The following SIAH3 variants were observed in gnomAD, a reference collection of about 807,000 sequenced individuals.
SIAH3 encodes seven in absentia homolog 3.
Under a neutral mutation model 12.6 loss-of-function variants are expected in SIAH3, and 9 were observed. That is an observed-to-expected ratio of 0.72 (90% CI 0.43 to 1.25). SIAH3 has a LOEUF of 1.25. Among genes scored for constraint, SIAH3 ranks in the 50% most tolerant of loss-of-function variants. SIAH3 has a pLI of 0.00. For missense variants in SIAH3, 390 were observed against 365.4 expected (o/e 1.07, Z -0.55); for synonymous variants, 154 against 151.1 (o/e 1.02, Z -0.14).
At chr13:45,828,269 C>T (rs1950685897) in intron 1 of SIAH3, among the ~76,000 whole-genome samples, 1 of 152,162 alleles carries the variant, frequency 6.6e-6, no homozygotes, top group African/African-American at 2.4e-5. Context: ...TGGTTCATAA[C>T]CTTCCGTGGC....
intron 1 of SIAH3, 117 bp downstream of exon 1, chr13:45,851,378 C>A: frequency 7.2e-7 from 1 of 1,387,220 alleles, no homozygotes; most frequent in Non-Finnish European, 1.0e-6. Flanking sequence ...GACACCGTCC[C>A]AGCCCCCGAG....
rs1950512359 is a variant in SIAH3 at position 45,783,349 on chromosome 13, G to A, written c.*34C>T. The A allele has an allele frequency of 6.3e-7, 1 of 1,578,918 alleles. No homozygotes were observed. Among genetic ancestry groups the A allele is most frequent in the Non-Finnish European group, 8.6e-7 (1 of 1,156,624 alleles). On this transcript the variant is annotated 3_prime_UTR_variant, in exon 2 of 2. Coordinates refer to ENST00000400405, the MANE Select transcript of SIAH3 (RefSeq NM_198849.3). ...TGGGAGGTCCCAGGCGTTTCCTAGG[G>A]AGGCTGTGTGGGGAGCATCCGTGGC...
rs1373186295 is a variant in SIAH3 at position 45,783,726 on chromosome 13, C to A, written c.467G>T (p.Trp156Leu). 1 of 1,614,144 alleles carries A rather than the reference C, an allele frequency of 6.2e-7. No homozygotes were observed. Among genetic ancestry groups the A allele is most frequent in the Non-Finnish European group, 8.5e-7 (1 of 1,180,002 alleles). The change falls in exon 2 of 2, where the codon TGG becomes TTG. Residue 156 changes from tryptophan (W) to leucine (L), a missense_variant. Transcript: ENST00000400405. ...TDMHLPAPAD[W>L]IIMHSCLGHH... is the part of the protein sequence containing the mutation. ...GCCAAGGCAGGAGTGCATGATGATC[C>A]AATCAGCCGGCGCGGGGAGGTGCAT... is the stretch of plus-strand genomic sequence containing the variant.
rs1950508499 is a variant in SIAH3, at chr13:45,782,568, C to T, written c.*815G>A. 6.6e-6 allele frequency: 1 copy of T among 152,044 alleles called. No individual in the cohort carries two copies. The highest frequency in any genetic ancestry group is 2.4e-5 in the African/African-American group (1 of 41,296). 9.4% of individuals were successfully genotyped at this position (152,044 alleles called of 1,614,324 possible). On this transcript the variant is annotated 3_prime_UTR_variant, in exon 2 of 2. Coordinates refer to ENST00000400405, the MANE Select transcript of SIAH3 (RefSeq NM_198849.3). ...TCTTTTTCCTGTTGCTTTTCATCCC[C>T]ACCCCCCATCTTGCCTATTCTTTTC...
At chr13:45,784,447 T>C (rs899920951) in intron 1 of SIAH3, among the ~76,000 whole-genome samples, 13 of 150,538 alleles carry the variant, frequency 8.6e-5, no homozygotes, top group South Asian at 2.1e-4. Flanking sequence ...TTGATAATTT[T>C]GTGCAGGCAA....
chr13:45,843,034 C>CTCTGTGTGTGTGTGTGTGTG (rs560128772), intron 1 of SIAH3, among the ~76,000 whole-genome samples: 3,107 of 139,160 alleles, frequency 0.022, 132 homozygotes, highest in African/African-American at 0.079. Flanking sequence ...CTCTCTCTCT[C>CTCTGTGTGTGTGTGTGTGTG]TGTGTGTGTG....
At chr13:45,850,920 C>CACACACACAA (rs1950778515) in intron 1 of SIAH3, among the ~76,000 whole-genome samples, 1 of 8,832 alleles carries the variant, frequency 1.1e-4, no homozygotes, top group African/African-American at 4.1e-3. Flanking sequence ...CTCCCGACAC[C>CACACACACAA]ACACACACAC....
Position 45,786,383 on chromosome 13 carries a change from A to G in SIAH3, c.136-2326T>C, listed in dbSNP as rs551801690. Among the ~76,000 whole-genome samples, 6 of 152,360 alleles carry G rather than the reference A, an allele frequency of 3.9e-5. No individual in the cohort carries two copies. In the East Asian group the frequency reaches 1.2e-3, roughly 29 times the overall value. On this transcript the variant is annotated intron_variant, in intron 1 of 1. Coordinates refer to ENST00000400405, the MANE Select transcript of SIAH3 (RefSeq NM_198849.3). Reference sequence around the variant, plus strand: ...CATTTTATGTTTGTCTTATAAATGAAGAAACAGAGACACAGAGAGATTGAG... The same window carrying G: ...CATTTTATGTTTGTCTTATAAATGAGGAAACAGAGACACAGAGAGATTGAG...
chr13:45,813,937 G>A (rs971086730), intron 1 of SIAH3, among the ~76,000 whole-genome samples: 1 of 152,074 alleles, frequency 6.6e-6, no homozygotes, highest in African/African-American at 2.4e-5. Flanking sequence ...ATCTTGGGGT[G>A]ATAAAAAATA....
rs772254566 is a variant in SIAH3, at chr13:45,851,489, A to T, written c.135+6T>A. 3 of 1,613,684 alleles carry T rather than the reference A, an allele frequency of 1.9e-6. No homozygotes were observed. The highest frequency in any genetic ancestry group is 3.3e-5 in the Admixed American group (2 of 59,994). ...CCGGTGAAGGTAAAATGACACAGAGACTCACCTTTAGGTTGTGTGTGGGGT... is the reference window on the plus strand; with the variant it reads ...CCGGTGAAGGTAAAATGACACAGAGTCTCACCTTTAGGTTGTGTGTGGGGT... On this transcript the variant is annotated splice_donor_region_variant and intron_variant, in intron 1 of 1. Transcript: ENST00000400405.
At chr13:45,825,787 A>G (rs1343057587) in intron 1 of SIAH3, among the ~76,000 whole-genome samples, 1 of 152,168 alleles carries the variant, frequency 6.6e-6, no homozygotes, top group Non-Finnish European at 1.5e-5. Flanking sequence ...TGTTCTGGCT[A>G]CATCCTCTGT....
intron 1 of SIAH3, among the ~76,000 whole-genome samples, chr13:45,806,381 C>T (rs1950598403): frequency 6.6e-6 from 1 of 152,192 alleles, no homozygotes; most frequent in African/African-American, 2.4e-5. Context: ...GAATACTACA[C>T]AGCCATAAAA....
chr13:45,791,795 G>C (rs1242103317), intron 1 of SIAH3, among the ~76,000 whole-genome samples: 4 of 152,200 alleles, frequency 2.6e-5, no homozygotes. Flanking sequence ...AATTTGGGAA[G>C]GACAGTCTGC....
At chr13:45,793,754 T>C (rs1950553797) in intron 1 of SIAH3, among the ~76,000 whole-genome samples, 1 of 152,226 alleles carries the variant, frequency 6.6e-6, no homozygotes. Flanking sequence ...CTAGTTATGA[T>C]AGGTTAGAAG....
At chr13:45,830,786 C>T (rs114009132) in intron 1 of SIAH3, among the ~76,000 whole-genome samples, 1,890 of 152,086 alleles carry the variant, frequency 0.012, 34 homozygotes, top group African/African-American at 0.038. Flanking sequence ...GGGCTCTGAG[C>T]AGGAGAGGAC....
intron 1 of SIAH3, among the ~76,000 whole-genome samples, chr13:45,850,598 T>C (rs957990189): frequency 5.3e-5 from 8 of 151,716 alleles, no homozygotes; most frequent in Admixed American, 4.6e-4. Context: ...CCTCCCTGAC[T>C]TCCCCTCCTC....
chr13:45,842,765 C>T (rs1355524799), intron 1 of SIAH3, among the ~76,000 whole-genome samples: 1 of 152,228 alleles, frequency 6.6e-6, no homozygotes, highest in Non-Finnish European at 1.5e-5. Flanking sequence ...CCAGATCTGA[C>T]TCCAAAACTC....
chr13:45,787,463 CA>C (rs1247993693), intron 1 of SIAH3, among the ~76,000 whole-genome samples: 2 of 152,122 alleles, frequency 1.3e-5, no homozygotes, highest in Non-Finnish European at 2.9e-5. Context: ...CAGGGTACAC[CA>C]GGGGCTCTGA....
At chr13:45,814,792 C>T (rs1017103705) in intron 1 of SIAH3, among the ~76,000 whole-genome samples, 2 of 150,924 alleles carry the variant, frequency 1.3e-5, no homozygotes, top group African/African-American at 4.9e-5. Flanking sequence ...GTGGTGCGAT[C>T]TCGCACTGCA....
Sources: allele counts gnomAD v4.1 joint callset (sites outside exome capture counted in the v4.1 genomes callset), GRCh38; gene constraint gnomAD v4.1.1; transcripts MANE v1.5; gene names NCBI Gene and HGNC (gene_info 2026-07-23, HGNC 2026-07-21).